ANKRD45: variants seen among roughly 807,000 people sequenced by gnomAD.
The protein encoded by ANKRD45 is ankyrin repeat domain-containing protein 45.
A neutral mutation model predicts 28.1 loss-of-function variants in ANKRD45; 21 were observed. That is an observed-to-expected ratio of 0.75 (90% confidence interval 0.53 to 1.08). The LOEUF (loss-of-function observed/expected upper bound fraction) is 1.08, where lower values mean the gene tolerates loss of function less well. Ranked by LOEUF, ANKRD45 falls within the 50% of genes least tolerant of loss-of-function variation. ANKRD45 has a pLI of 0.00. For synonymous variants in ANKRD45, 86 were observed against 103.9 expected, an observed-to-expected ratio of 0.83 and a Z score of 1.05; for missense variants, 261 against 308.7, an observed-to-expected ratio of 0.85 and a Z score of 1.16.
chr1:173,677,328 A>G, the ANKRD45 span, among the ~76,000 whole-genome samples: 3 of 152,170 alleles, frequency 2.0e-5, no homozygotes, highest in Non-Finnish European at 2.9e-5. Flanking sequence ...ATCATAAGCT[A>G]TAACTTCCAT....
intron 5 of ANKRD45, 89 bp downstream of exon 5, chr1:173,624,698 T>C (rs1232730879): frequency 9.6e-6 from 13 of 1,348,000 alleles, no homozygotes; most frequent in Admixed American, 2.1e-5. Context: ...TAATGAAGAT[T>C]GTTAAAATCA....
In ANKRD45 at chr1:173,617,595, C is replaced by G. The variant is rs868829637; in HGVS notation, c.730+7192G>C. Among the ~76,000 whole-genome samples the G allele has an allele frequency of 2.4e-4, 36 of 152,346 alleles. No homozygotes were observed. The Middle Eastern group carries it at 0.017, about 72-fold the overall frequency. Reference sequence around the variant, plus strand: ...GGCCTCCCTGCAGGAATTACAGCAACTCCAGCCAGGGTTATACAGACATAA... The same window carrying G: ...GGCCTCCCTGCAGGAATTACAGCAAGTCCAGCCAGGGTTATACAGACATAA... On this transcript the variant is annotated intron_variant, in intron 5 of 5. Coordinates refer to ENST00000333279, the MANE Select transcript of ANKRD45 (RefSeq NM_198493.3).
the ANKRD45 span, among the ~76,000 whole-genome samples, chr1:173,713,020 T>C: frequency 2.0e-5 from 3 of 152,274 alleles, no homozygotes; most frequent in Admixed American, 2.0e-4. Context: ...CATGGACAAA[T>C]CTTACAAACA....
the ANKRD45 span, among the ~76,000 whole-genome samples, chr1:173,676,834 CAAAAAA>C: frequency 1.0e-5 from 1 of 98,806 alleles, no homozygotes; most frequent in Admixed American, 1.2e-4. Context: ...GACTCCATCT[CAAAAAA>C]AAAAAAAAAA....
At chr1:173,634,814 TC>T (rs1374521956) in intron 3 of ANKRD45, among the ~76,000 whole-genome samples, 3 of 151,942 alleles carry the variant, frequency 2.0e-5, no homozygotes, top group African/African-American at 7.2e-5. Context: ...CTATGTCCCA[TC>T]TTTTTATCAT....
Position 173,612,385 on chromosome 1 carries a change from A to G in ANKRD45, c.731-2170T>C, listed in dbSNP as rs148280480. Among the ~76,000 whole-genome samples, 17 of 150,094 alleles carry G rather than the reference A, an allele frequency of 1.1e-4. No homozygotes were observed. In the East Asian group the frequency reaches 3.5e-3, roughly 31 times the overall value. On this transcript the variant is annotated intron_variant, in intron 5 of 5. Coordinates refer to ENST00000333279, the MANE Select transcript of ANKRD45 (RefSeq NM_198493.3). Reference sequence around the variant, plus strand: ...GAAAAGTTTCTTCCCTTTAATGACCAGGAAAAGAAAAAAATAAAAATGGGC... The same window carrying G: ...GAAAAGTTTCTTCCCTTTAATGACCGGGAAAAGAAAAAAATAAAAATGGGC...
the ANKRD45 span, among the ~76,000 whole-genome samples, chr1:173,680,847 TC>T: frequency 6.6e-6 from 1 of 151,370 alleles, no homozygotes; most frequent in Non-Finnish European, 1.5e-5. Context: ...AAACCATCAT[TC>T]TCAGCTAACA....
intron 1 of ANKRD45, among the ~76,000 whole-genome samples, chr1:173,661,807 T>G (rs1001335031): frequency 6.6e-6 from 1 of 152,156 alleles, no homozygotes. Flanking sequence ...ATGAAGCATA[T>G]ATTCTGATTG....
chr1:173,705,098 A>G, the ANKRD45 span, among the ~76,000 whole-genome samples: 5 of 152,222 alleles, frequency 3.3e-5, no homozygotes, highest in South Asian at 2.1e-4. Flanking sequence ...GTGCCTCCCA[A>G]AAAGGACTGA....
At chr1:173,697,422 T>C in the ANKRD45 span, among the ~76,000 whole-genome samples, 443 of 152,194 alleles carry the variant, frequency 2.9e-3, 4 homozygotes, top group African/African-American at 9.9e-3. Flanking sequence ...AGAGAAAGGT[T>C]GGGTTACCCA....
At chr1:173,645,513 G>A (rs908003860) in intron 3 of ANKRD45, among the ~76,000 whole-genome samples, 1 of 152,166 alleles carries the variant, frequency 6.6e-6, no homozygotes, top group East Asian at 1.9e-4. Flanking sequence ...ATCCACAAAA[G>A]GTGGGAACTA....
chr1:173,633,317 T>G (rs1015594679), intron 3 of ANKRD45, among the ~76,000 whole-genome samples: 1 of 151,612 alleles, frequency 6.6e-6, no homozygotes, highest in Admixed American at 6.6e-5. Context: ...TAATGAAAAC[T>G]ATAAAAGACT....
chr1:173,676,485 C>T, the ANKRD45 span, among the ~76,000 whole-genome samples: 1 of 152,026 alleles, frequency 6.6e-6, no homozygotes, highest in Middle Eastern at 3.2e-3. Flanking sequence ...AATTCCTGTT[C>T]TGCTTGATAG....
chr1:173,626,553 G>T (rs187037794), intron 4 of ANKRD45, among the ~76,000 whole-genome samples: 1 of 151,832 alleles, frequency 6.6e-6, no homozygotes, highest in African/African-American at 2.4e-5. Context: ...TATTATTTTG[G>T]ACCCTACCAG....
At chr1:173,631,300 C>T (rs1011344961) in intron 3 of ANKRD45, among the ~76,000 whole-genome samples, 2 of 152,030 alleles carry the variant, frequency 1.3e-5, no homozygotes, top group African/African-American at 4.8e-5. Flanking sequence ...ATGCACCCAA[C>T]GCTGGAGCAC....
At chr1:173,687,594 A>G in the ANKRD45 span, among the ~76,000 whole-genome samples, 4 of 151,992 alleles carry the variant, frequency 2.6e-5, no homozygotes, top group Non-Finnish European at 5.9e-5. Context: ...AGCAAACTTT[A>G]CTTTTGCTGA....
rs985089401 is a variant in ANKRD45, at chr1:173,621,851, C to A, written c.730+2936G>T. On this transcript the variant is annotated intron_variant, in intron 5 of 5. Coordinates refer to ENST00000333279, the MANE Select transcript of ANKRD45 (RefSeq NM_198493.3). The stretch of plus-strand genomic sequence containing the variant: ...CAAATAAACAGTATTCAAATAGGGA[C>A]AGAGGAAGTTAAATTATCTTTGTTT... Among the ~76,000 whole-genome samples, 3 of 152,068 alleles carry A rather than the reference C, an allele frequency of 2.0e-5. No individual in the cohort carries two copies. In the South Asian group the frequency reaches 6.2e-4, roughly 32 times the overall value.
chr1:173,707,745 C>T, the ANKRD45 span, among the ~76,000 whole-genome samples: 2 of 152,322 alleles, frequency 1.3e-5, no homozygotes, highest in East Asian at 1.9e-4. Context: ...AAAGAACCAG[C>T]CTTCTAACTC....
At chr1:173,633,248 C>T (rs1028593614) in intron 3 of ANKRD45, among the ~76,000 whole-genome samples, 1 of 151,350 alleles carries the variant, frequency 6.6e-6, no homozygotes, top group African/African-American at 2.4e-5. Flanking sequence ...ATTTACAATA[C>T]ATACAAAGAA....
Sources: allele counts gnomAD v4.1 joint callset (sites outside exome capture counted in the v4.1 genomes callset), GRCh38; gene constraint gnomAD v4.1.1; transcripts MANE v1.5; gene names NCBI Gene and HGNC (gene_info 2026-07-23, HGNC 2026-07-21).